Variants in LINGO2 observed in about 807,000 individuals in gnomAD.
LINGO2 encodes the protein leucine rich repeat and Ig domain containing 2, also known as leucine-rich repeat and immunoglobulin-like domain-containing nogo receptor-interacting protein 2.
Under a neutral mutation model 30.6 loss-of-function variants are expected in LINGO2, and 14 were observed. That is an observed-to-expected ratio of 0.46 (90% CI 0.30 to 0.72). The LOEUF is 0.72. Among genes scored for constraint, LINGO2 ranks in the 30% least tolerant of loss-of-function variants. The pLI, the probability that LINGO2 is intolerant of heterozygous loss-of-function variation, is 0.07. For synonymous variants in LINGO2, 317 were observed against 288.5 expected (o/e 1.10, Z -1.00); for missense variants, 729 against 751.7 (o/e 0.97, Z 0.35).
the LINGO2 span, among the ~76,000 whole-genome samples, chr9:28,966,782 T>C: frequency 6.6e-6 from 1 of 152,120 alleles, no homozygotes; most frequent in Non-Finnish European, 1.5e-5. Context: ...CTGCTTTCAA[T>C]GTCAGGAAGA....
At chr9:28,455,373 A>G (rs972736479) in intron 2 of LINGO2, among the ~76,000 whole-genome samples, 1 of 152,092 alleles carries the variant, frequency 6.6e-6, no homozygotes, top group African/African-American at 2.4e-5. Context: ...AATATATTTC[A>G]TAAGAAATAT....
At chr9:28,423,890 C>T (rs972393426) in intron 2 of LINGO2, among the ~76,000 whole-genome samples, 14 of 152,008 alleles carry the variant, frequency 9.2e-5, no homozygotes, top group Non-Finnish European at 1.5e-4. Flanking sequence ...TAAATGTGGT[C>T]TTCCAATAAT....
chr9:27,976,685 C>G (rs1023880828), intron 5 of LINGO2, among the ~76,000 whole-genome samples: 2 of 152,004 alleles, frequency 1.3e-5, no homozygotes, highest in African/African-American at 2.4e-5. Flanking sequence ...GCCCACTATA[C>G]CATACGGCCT....
the LINGO2 span, among the ~76,000 whole-genome samples, chr9:29,188,218 C>G: frequency 6.6e-6 from 1 of 151,662 alleles, no homozygotes; most frequent in African/African-American, 2.4e-5. Flanking sequence ...GTGGTGATGA[C>G]TCTTAACGAG....
chr9:29,077,308 A>G, the LINGO2 span, among the ~76,000 whole-genome samples: 1 of 152,184 alleles, frequency 6.6e-6, no homozygotes, highest in Non-Finnish European at 1.5e-5. Context: ...AGAAACAAAT[A>G]TGATCTAGAG....
chr9:28,501,703 A>T lies in LINGO2; in HGVS notation c.-364-25678T>A, dbSNP rs151107222. 2.1e-3 allele frequency among the ~76,000 whole-genome samples: 318 copies of T among 152,226 alleles called. 1 individual carries two copies. Among genetic ancestry groups the T allele is most frequent in the African/African-American group, 7.1e-3 (296 of 41,556 alleles). ...ACCTAAGAAACACACACACACCCCT[A>T]CATACAGGTGATACTACTACCAGCT... On this transcript the variant is annotated intron_variant, in intron 1 of 5. Coordinates refer to ENST00000379992, the Ensembl canonical transcript of LINGO2.
chr9:28,414,468 A>G (rs1822893565), intron 2 of LINGO2, among the ~76,000 whole-genome samples: 1 of 152,076 alleles, frequency 6.6e-6, no homozygotes, highest in South Asian at 2.1e-4. Context: ...AAAAGAAGAG[A>G]GCATTGAGGG....
At chr9:28,205,057 G>T (rs1298808545) in intron 4 of LINGO2, among the ~76,000 whole-genome samples, 1 of 151,034 alleles carries the variant, frequency 6.6e-6, no homozygotes, top group African/African-American at 2.4e-5. Flanking sequence ...AATATGTGTT[G>T]AGTCCCAAAT....
the LINGO2 span, among the ~76,000 whole-genome samples, chr9:29,059,812 G>A: frequency 2.5e-4 from 38 of 152,038 alleles, 1 homozygote; most frequent in Non-Finnish European, 4.9e-4. Flanking sequence ...CAAAAATGTC[G>A]TAGGCAGGGC....
chr9:28,979,134 T>C, the LINGO2 span, among the ~76,000 whole-genome samples: 29 of 152,132 alleles, frequency 1.9e-4, no homozygotes, highest in Non-Finnish European at 3.4e-4. Flanking sequence ...TTAGTGTTTG[T>C]TTCTCTGTTT....
intron 4 of LINGO2, among the ~76,000 whole-genome samples, chr9:28,047,559 TCTA>T (rs1824481812): frequency 6.6e-6 from 1 of 150,766 alleles, no homozygotes; most frequent in Admixed American, 6.6e-5. Context: ...AAATCATAGC[TCTA>T]CTATTTAACA....
chr9:28,675,926 C>T, the LINGO2 span, among the ~76,000 whole-genome samples: 1,726 of 87,054 alleles, frequency 0.02, 11 homozygotes, highest in African/African-American at 0.043. Flanking sequence ...TATATATATA[C>T]ATACACACAC....
At chr9:28,866,733 T>C in the LINGO2 span, among the ~76,000 whole-genome samples, 5 of 152,150 alleles carry the variant, frequency 3.3e-5, no homozygotes, top group Non-Finnish European at 7.4e-5. Flanking sequence ...CATGAATTCA[T>C]ATAATTAACT....
the LINGO2 span, among the ~76,000 whole-genome samples, chr9:29,193,967 T>A: frequency 1.3e-5 from 2 of 152,098 alleles, no homozygotes; most frequent in African/African-American, 4.8e-5. Context: ...CAGTCTGAGA[T>A]GAGTGTGCCA....
intron 4 of LINGO2, among the ~76,000 whole-genome samples, chr9:28,178,971 C>T (rs1828823286): frequency 6.6e-6 from 1 of 151,982 alleles, no homozygotes; most frequent in African/African-American, 2.4e-5. Context: ...CTAACATCAG[C>T]CAAATAGACT....
chr9:28,284,552 A>G (rs1049688705), intron 4 of LINGO2, among the ~76,000 whole-genome samples: 3 of 152,172 alleles, frequency 2.0e-5, no homozygotes, highest in South Asian at 4.1e-4. Context: ...TTTTCTTTCA[A>G]AATTAATGAC....
At chr9:28,769,500 ATATATATATATATATATATTTTTTTT>A in the LINGO2 span, among the ~76,000 whole-genome samples, 3 of 5,524 alleles carry the variant, frequency 5.4e-4, no homozygotes, top group African/African-American at 2.0e-3. Flanking sequence ...ATATATATAT[ATATATATATATATATATATTTTTTTT>A]TTTTTTTTTT....
the LINGO2 span, among the ~76,000 whole-genome samples, chr9:29,188,615 G>A: frequency 6.6e-6 from 1 of 151,908 alleles, no homozygotes. Flanking sequence ...GGTCGTGGCC[G>A]GGCAGAGGGG....
chr9:29,050,842 A>T, the LINGO2 span, among the ~76,000 whole-genome samples: 3 of 152,140 alleles, frequency 2.0e-5, no homozygotes, highest in East Asian at 3.9e-4. Flanking sequence ...CAATTTAGAG[A>T]GGAAGAGTTG....
Sources: gnomAD v4.1 joint callset for allele counts (sites outside exome capture counted in the v4.1 genomes callset) on GRCh38, gnomAD v4.1.1 for gene constraint, MANE v1.5 for transcripts, NCBI Gene and HGNC (gene_info 2026-07-23, HGNC 2026-07-21) for gene names.